TF: variants seen among roughly 807,000 people sequenced by gnomAD.
The protein encoded by TF is serotransferrin.
In TF, 55 loss-of-function variants were observed where a neutral mutation model predicts 82.4. That is an observed-to-expected ratio of 0.67 (90% CI 0.54 to 0.84). The LOEUF is 0.84. Ranked by LOEUF, TF falls within the 40% of genes least tolerant of loss-of-function variation. The probability of loss-of-function intolerance (pLI) is 0.00; values close to 1 mark genes in which losing one functional copy is unlikely to be tolerated. For missense variants in TF, 737 were observed against 868.4 expected, an observed-to-expected ratio of 0.85 and a Z score of 1.90; for synonymous variants, 332 against 332.6, an observed-to-expected ratio of 1.00 and a Z score of 0.02.
chr3:133,737,250 A>G, the TF span, among the ~76,000 whole-genome samples: 1 of 152,338 alleles, frequency 6.6e-6, no homozygotes, highest in South Asian at 2.1e-4. Context: ...AGAAATAAAT[A>G]AGTTCTTTGA....
intron 11 of TF, 100 bp from the exon 12 acceptor site, chr3:133,766,178 A>G: frequency 8.8e-7 from 1 of 1,132,650 alleles, no homozygotes; most frequent in Non-Finnish European, 1.3e-6. Context: ...ACAATGACTG[A>G]TTGAGGATAT....
chr3:133,757,369 G>A lies in TF; in HGVS notation c.870+360G>A, dbSNP rs189178313. Among the ~76,000 whole-genome samples the A allele has an allele frequency of 8.9e-4, 135 of 152,208 alleles. 1 individual carries two copies. Among genetic ancestry groups the A allele is most frequent in the South Asian group, 7.9e-3 (38 of 4,822 alleles). ...TCTCTCTCCCCATGCCCCTCAGCCC[G>A]GCTGTGAGGGGGCTGCCTGCACAGC... On this transcript the variant is annotated intron_variant, in intron 7 of 16. Transcript: ENST00000402696.
In TF at chr3:133,789,879, G is replaced by GTTTTTT. The variant is rs56267966; in HGVS notation, c.*11283_*11288dup. 3.2e-3 allele frequency: 288 copies of GTTTTTT among 88,954 alleles called. 29 individuals carry two copies. The highest frequency in any genetic ancestry group is 5.1e-3 in the African/African-American group (94 of 18,256). 5.5% of individuals were successfully genotyped at this position (88,954 alleles called of 1,614,324 possible). ...GCCAAAACAAAACGATCTCGTTTGCGTTTTTTTTTTTTTTTTTTTTTTTTT... is the reference window on the plus strand; with the variant it reads ...GCCAAAACAAAACGATCTCGTTTGCGTTTTTTTTTTTTTTTTTTTTTTTTTTTTTTT... On this transcript the variant is annotated 3_prime_UTR_variant, in exon 17 of 17. Transcript: ENST00000402696.
the TF span, chr3:133,699,588 G>T: frequency 1.7e-6 from 1 of 596,438 alleles, no homozygotes. Context: ...GGGTGGCAAG[G>T]AGGACTTGAT....
chr3:133,755,836 T>A, intron 5 of TF: 1 of 454,892 alleles, frequency 2.2e-6, no homozygotes, highest in Admixed American at 3.5e-5. Flanking sequence ...ACTGGCCCTC[T>A]TCCCTCAATC....
In TF at chr3:133,780,964, G is replaced by A. The variant is rs908504002; in HGVS notation, c.*2344G>A. ...GGAGGCAGAGGTTGCAGTGAGCCAA[G>A]GTCGCACCAGAGCACTCCAGCCTAG... On this transcript the variant is annotated 3_prime_UTR_variant, in exon 17 of 17. Transcript: ENST00000402696. The A allele has an allele frequency of 6.6e-6, 1 of 152,108 alleles. No homozygotes were observed. The highest frequency in any genetic ancestry group is 1.5e-5 in the Non-Finnish European group (1 of 68,076). The allele number at this position is 152,108 out of a possible 1,614,324, so 9.4% of individuals were successfully genotyped here. A position where few individuals can be genotyped will look rare whatever the true frequency, so the allele number is the denominator to read the frequency against.
rs1478390322 is a variant in TF at position 133,793,939 on chromosome 3, A to G, written c.*15319A>G. 6.6e-6 allele frequency: 1 copy of G among 152,328 alleles called. No homozygotes were observed. The highest frequency in any genetic ancestry group is 1.9e-4 in the East Asian group (1 of 5,194). The allele number at this position is 152,328 out of a possible 1,614,324, so 9.4% of individuals were successfully genotyped here. A position where few individuals can be genotyped will look rare whatever the true frequency, so the allele number is the denominator to read the frequency against. Reference sequence around the variant, plus strand: ...AACTGCTAACCCAAGTAGAACAAAAATTAATTAAATACCAAGAAAATACTT... The same window carrying G: ...AACTGCTAACCCAAGTAGAACAAAAGTTAATTAAATACCAAGAAAATACTT... On this transcript the variant is annotated 3_prime_UTR_variant, in exon 17 of 17. Transcript: ENST00000402696.
chr3:133,759,420 T>G, intron 9 of TF, 91 bp downstream of exon 9: 1 of 1,536,200 alleles, frequency 6.5e-7, no homozygotes, highest in Non-Finnish European at 8.9e-7. Context: ...CTGGGAATGA[T>G]GCAAAAACCT....
At position 133,766,154 on chromosome 3, in the gene TF, G is replaced by A. The variant is rs563684714; in HGVS notation, c.1331-124G>A. 8.5e-6 allele frequency: 8 copies of A among 945,560 alleles called. No homozygotes were observed. The African/African-American group carries it at 1.3e-4, about 15-fold the overall frequency. The allele number at this position is 945,560 out of a possible 1,614,324, so 58.6% of individuals were successfully genotyped here. On this transcript the variant is annotated intron_variant, in intron 11 of 16. Transcript: ENST00000402696. ...CTTCCCCTCAGTCAGATACTGGGAAGATCCTCTCAAGACACAATGACTGAT... is the reference window on the plus strand; with the variant it reads ...CTTCCCCTCAGTCAGATACTGGGAAAATCCTCTCAAGACACAATGACTGAT...
Position 133,779,355 on chromosome 3 carries a change from T to G in TF, c.*735T>G, listed in dbSNP as rs191856529. On this transcript the variant is annotated 3_prime_UTR_variant, in exon 17 of 17. Transcript: ENST00000402696. ...TGGCTGAACATACAGAATTTGGTCT[T>G]CTGCTTCACCAACTTACCTGAATGT... The G allele has an allele frequency of 6.6e-5, 10 of 152,410 alleles. No homozygotes were observed. Among genetic ancestry groups the G allele is most frequent in the African/African-American group, 2.2e-4 (9 of 41,568 alleles). 9.4% of individuals were successfully genotyped at this position (152,410 alleles called of 1,614,324 possible).
the TF span, among the ~76,000 whole-genome samples, chr3:133,735,818 A>G: frequency 2.0e-5 from 3 of 152,238 alleles, no homozygotes; most frequent in South Asian, 2.1e-4. Context: ...AAAAGACCAA[A>G]CCTACATTTG....
At chr3:133,738,508 A>C in the TF span, among the ~76,000 whole-genome samples, 3 of 152,230 alleles carry the variant, frequency 2.0e-5, no homozygotes, top group African/African-American at 7.2e-5. Context: ...AAATAGGAAG[A>C]GAGGAAGTCA....
intron 13 of TF, among the ~76,000 whole-genome samples, chr3:133,769,083 C>T (rs1253568475): frequency 2.0e-5 from 3 of 152,178 alleles, no homozygotes; most frequent in African/African-American, 4.8e-5. Context: ...GCGTGGGCCA[C>T]GTCTGGCCCT....
At chr3:133,770,813 T>C in intron 14 of TF, 1 of 583,118 alleles carries the variant, frequency 1.7e-6, no homozygotes, top group Non-Finnish European at 3.1e-6. Flanking sequence ...GCTGCAAGCC[T>C]TGTGCTCCTT....
At chr3:133,748,224 C>A (rs1434761456) in intron 1 of TF, 188 bp from the exon 2 acceptor site, 24 of 751,778 alleles carry the variant, frequency 3.2e-5, no homozygotes, top group Non-Finnish European at 5.3e-5. Flanking sequence ...ACTGGGAGGC[C>A]ATTAGGGCAA....
the TF span, among the ~76,000 whole-genome samples, chr3:133,676,662 G>A: frequency 6.6e-6 from 1 of 152,264 alleles, no homozygotes; most frequent in Non-Finnish European, 1.5e-5. Context: ...GGCCACACAG[G>A]GAGCTCTGCT....
the TF span, among the ~76,000 whole-genome samples, chr3:133,722,998 T>C: frequency 6.6e-6 from 1 of 152,236 alleles, no homozygotes; most frequent in Non-Finnish European, 1.5e-5. Context: ...TGCTTGTCTG[T>C]GAAGGACTTT....
the TF span, among the ~76,000 whole-genome samples, chr3:133,680,810 C>A: frequency 6.6e-6 from 1 of 152,064 alleles, no homozygotes; most frequent in Non-Finnish European, 1.5e-5. Context: ...AGTTAAAAGG[C>A]AGTATAGGTT....
the TF span, among the ~76,000 whole-genome samples, chr3:133,729,516 G>T: frequency 6.6e-6 from 1 of 152,208 alleles, no homozygotes; most frequent in Admixed American, 6.5e-5. Flanking sequence ...TCGGAAAAGC[G>T]CAGTATTCGG....
Sources: gnomAD v4.1 joint callset for allele counts (sites outside exome capture counted in the v4.1 genomes callset) on GRCh38, gnomAD v4.1.1 for gene constraint, MANE v1.5 for transcripts, NCBI Gene and HGNC (gene_info 2026-07-23, HGNC 2026-07-21) for gene names.